The following SGCZ variants were observed in gnomAD, a reference collection of about 807,000 sequenced individuals.
SGCZ encodes zeta-sarcoglycan.
In SGCZ, 40 loss-of-function variants were observed where a neutral mutation model predicts 41.3. The observed-to-expected ratio is 0.97, with a 90% CI of 0.75 to 1.26. The LOEUF (loss-of-function observed/expected upper bound fraction) is 1.26. Ranked by LOEUF, SGCZ falls within the 50% of genes most tolerant of loss-of-function variation. The pLI, the probability that SGCZ is intolerant of heterozygous loss-of-function variation, is 0.00. For synonymous variants in SGCZ, 206 were observed against 137.5 expected (o/e 1.50, Z -3.49); for missense variants, 552 against 369.8 (o/e 1.49, Z -4.04).
At chr8:14,973,381 G>A (rs1332610368) in intron 1 of SGCZ, among the ~76,000 whole-genome samples, 1 of 152,066 alleles carries the variant, frequency 6.6e-6, no homozygotes, top group Non-Finnish European at 1.5e-5. Context: ...TTGCTGGTTG[G>A]TAAAGCCAAC....
chr8:14,155,906 G>A (rs1035639586), intron 5 of SGCZ, among the ~76,000 whole-genome samples: 3 of 152,094 alleles, frequency 2.0e-5, no homozygotes, highest in Admixed American at 6.6e-5. Flanking sequence ...TGTACAGCAT[G>A]TTACTCTACT....
At chr8:14,756,310 T>TGAGTAGCTGGGATTATAG (rs1799664721) in intron 1 of SGCZ, among the ~76,000 whole-genome samples, 2 of 151,400 alleles carry the variant, frequency 1.3e-5, no homozygotes, top group Admixed American at 1.3e-4. Flanking sequence ...CTCAGCCTCC[T>TGAGTAGCTGGGATTATAG]GAGTAGCTGG....
intron 2 of SGCZ, among the ~76,000 whole-genome samples, chr8:14,342,129 G>T (rs1802732970): frequency 1.3e-5 from 2 of 152,084 alleles, no homozygotes; most frequent in African/African-American, 2.4e-5. Flanking sequence ...ATGCTGATAG[G>T]GATATGAACA....
intron 1 of SGCZ, among the ~76,000 whole-genome samples, chr8:14,601,441 G>C (rs1395534105): frequency 1.3e-5 from 2 of 149,606 alleles, no homozygotes; most frequent in African/African-American, 4.9e-5. Flanking sequence ...TTAGTTTCTT[G>C]AAGTTGGTTC....
At chr8:14,124,955 C>CA (rs145547277) in intron 5 of SGCZ, among the ~76,000 whole-genome samples, 2,644 of 152,138 alleles carry the variant, frequency 0.017, 75 homozygotes, top group African/African-American at 0.06. Flanking sequence ...TCTCAGGATA[C>CA]AAAATCTATG....
At chr8:14,694,892 TCAAAAGCAATATTTAAATTCAAAA>T (rs1226866149) in intron 1 of SGCZ, among the ~76,000 whole-genome samples, 1 of 152,068 alleles carries the variant, frequency 6.6e-6, no homozygotes, top group African/African-American at 2.4e-5. Flanking sequence ...CCCAAATGAT[TCAAAAGCAATATTTAAATTCAAAA>T]TGCAATGTTT....
At chr8:14,287,324 G>A (rs1202544297) in intron 3 of SGCZ, among the ~76,000 whole-genome samples, 1 of 151,878 alleles carries the variant, frequency 6.6e-6, no homozygotes. Flanking sequence ...TTATGTGTCA[G>A]TTTAAGTTGA....
intron 1 of SGCZ, among the ~76,000 whole-genome samples, chr8:14,627,925 A>G (rs1252024546): frequency 6.6e-6 from 1 of 152,088 alleles, no homozygotes; most frequent in Non-Finnish European, 1.5e-5. Flanking sequence ...TAATTCCTTT[A>G]TTGTATAATT....
At chr8:14,958,421 A>T (rs1203802051) in intron 1 of SGCZ, among the ~76,000 whole-genome samples, 1 of 152,140 alleles carries the variant, frequency 6.6e-6, no homozygotes, top group East Asian at 1.9e-4. Flanking sequence ...GGTATGCAAT[A>T]CTGATACGTT....
chr8:14,434,445 T>C (rs1800030745), intron 2 of SGCZ, among the ~76,000 whole-genome samples: 1 of 152,198 alleles, frequency 6.6e-6, no homozygotes, highest in African/African-American at 2.4e-5. Context: ...GCTTAGACCA[T>C]GTCGGCTGTT....
At chr8:15,065,290 G>A (rs908571230) in intron 1 of SGCZ, among the ~76,000 whole-genome samples, 3 of 151,944 alleles carry the variant, frequency 2.0e-5, no homozygotes, top group Non-Finnish European at 4.4e-5. Context: ...CCTCATTGTC[G>A]AGGCAGAATT....
intron 3 of SGCZ, among the ~76,000 whole-genome samples, chr8:14,292,321 G>A (rs972725044): frequency 6.6e-6 from 1 of 151,988 alleles, no homozygotes; most frequent in Non-Finnish European, 1.5e-5. Flanking sequence ...CTCAATTACG[G>A]TTGGTGAAAA....
chr8:14,503,086 A>G (rs1407054631), intron 2 of SGCZ, among the ~76,000 whole-genome samples: 1 of 152,228 alleles, frequency 6.6e-6, no homozygotes, highest in Non-Finnish European at 1.5e-5. Flanking sequence ...AAAATGTGGC[A>G]CATACACACC....
rs10643012 is a variant in SGCZ at position 15,172,164 on chromosome 8, T to TG, written c.39+65420_39+65421insC. Among the ~76,000 whole-genome samples the TG allele has an allele frequency of 3.7e-5, 4 of 108,568 alleles. 1 individual carries two copies. The highest frequency in any genetic ancestry group is 9.8e-5 in the African/African-American group (3 of 30,702). 71.2% of individuals were successfully genotyped at this position (108,568 alleles called of 152,430 possible). A position where few individuals can be genotyped will look rare whatever the true frequency, so the allele number is the denominator to read the frequency against. ...TGCCTTTTATACTCTGTTTTTTTTT[T>TG]TTTTTTTTTTTTTTTGAGACGGAGT... On this transcript the variant is annotated intron_variant, in intron 1 of 7. Transcript: ENST00000382080.
At chr8:14,124,368 C>G (rs1346446297) in intron 5 of SGCZ, among the ~76,000 whole-genome samples, 1 of 151,978 alleles carries the variant, frequency 6.6e-6, no homozygotes, top group African/African-American at 2.4e-5. Context: ...GCAATTTTAT[C>G]CAACTTATGT....
At chr8:15,089,769 G>A (rs894505681) in intron 1 of SGCZ, among the ~76,000 whole-genome samples, 2 of 152,136 alleles carry the variant, frequency 1.3e-5, no homozygotes, top group African/African-American at 4.8e-5. Flanking sequence ...TACACAGTAA[G>A]TACTCAATAC....
At chr8:14,450,688 A>C (rs529987310) in intron 2 of SGCZ, among the ~76,000 whole-genome samples, 1 of 152,274 alleles carries the variant, frequency 6.6e-6, no homozygotes, top group South Asian at 2.1e-4. Flanking sequence ...TTAGATTTTA[A>C]TTTAACCTAT....
chr8:14,369,010 G>A (rs1015915209), intron 2 of SGCZ, among the ~76,000 whole-genome samples: 1 of 133,282 alleles, frequency 7.5e-6, no homozygotes, highest in Non-Finnish European at 1.7e-5. Flanking sequence ...AGAAAACAGA[G>A]GCAAATGTAA....
At chr8:14,479,490 A>T (rs1357677360) in intron 2 of SGCZ, among the ~76,000 whole-genome samples, 1 of 152,126 alleles carries the variant, frequency 6.6e-6, no homozygotes, top group Non-Finnish European at 1.5e-5. Context: ...ACCCTCACAG[A>T]CACATCTGGG....
Sources: gnomAD v4.1 joint callset for allele counts (sites outside exome capture counted in the v4.1 genomes callset) on GRCh38, gnomAD v4.1.1 for gene constraint, MANE v1.5 for transcripts, NCBI Gene and HGNC (gene_info 2026-07-23, HGNC 2026-07-21) for gene names.